Variants in CADPS2 observed in about 807,000 individuals in gnomAD.
CADPS2 encodes the protein calcium-dependent secretion activator 2.
CADPS2 carries 93 observed loss-of-function variants against 172.5 expected under a neutral mutation model. That is an observed-to-expected ratio of 0.54 (90% CI 0.46 to 0.64). The LOEUF (loss-of-function observed/expected upper bound fraction) is 0.64, where lower values mean the gene tolerates loss of function less well. CADPS2 is among the 30% of genes least tolerant of loss of function. The probability of loss-of-function intolerance (pLI) is 0.00; values close to 1 mark genes in which losing one functional copy is unlikely to be tolerated. For synonymous variants in CADPS2, 546 were observed against 555.2 expected (o/e 0.98, Z 0.23); for missense variants, 1,420 against 1,565.9 (o/e 0.91, Z 1.57).
At chr7:122,425,776 A>G (rs2049097871) in intron 17 of CADPS2, among the ~76,000 whole-genome samples, 1 of 152,190 alleles carries the variant, frequency 6.6e-6, no homozygotes, top group South Asian at 2.1e-4. Context: ...ACTGAAAATC[A>G]AATACTGAAT....
At chr7:122,577,831 A>T (rs1457722311) in intron 7 of CADPS2, among the ~76,000 whole-genome samples, 1 of 152,006 alleles carries the variant, frequency 6.6e-6, no homozygotes, top group Non-Finnish European at 1.5e-5. Flanking sequence ...GTTTTTCTGC[A>T]TTTTCGCCAT....
At chr7:122,680,994 T>C (rs896871111) in intron 2 of CADPS2, among the ~76,000 whole-genome samples, 24 of 151,206 alleles carry the variant, frequency 1.6e-4, no homozygotes, top group African/African-American at 3.9e-4. Flanking sequence ...ATGGATGAAA[T>C]TGGAAATCAT....
intron 5 of CADPS2, among the ~76,000 whole-genome samples, chr7:122,617,417 T>G (rs1195041325): frequency 6.6e-6 from 1 of 152,310 alleles, no homozygotes; most frequent in Non-Finnish European, 1.5e-5. Flanking sequence ...TTTAAGTGTT[T>G]CAATTCCCAG....
chr7:122,395,291 T>G (rs146517470), intron 20 of CADPS2, among the ~76,000 whole-genome samples: 2 of 152,196 alleles, frequency 1.3e-5, no homozygotes, highest in African/African-American at 4.8e-5. Context: ...GAAGGAAATA[T>G]AACAGATTTT....
chr7:122,658,907 TTAA>T (rs2080162997), intron 3 of CADPS2, among the ~76,000 whole-genome samples: 1 of 151,636 alleles, frequency 6.6e-6, no homozygotes, highest in South Asian at 2.1e-4. Context: ...ATAAGGAGAT[TTAA>T]TAATATGTAA....
At chr7:122,608,421 A>C (rs1310762291) in intron 6 of CADPS2, among the ~76,000 whole-genome samples, 1 of 152,166 alleles carries the variant, frequency 6.6e-6, no homozygotes, top group African/African-American at 2.4e-5. Context: ...TCTCTCTTAA[A>C]CATTGTCTCA....
At chr7:122,565,515 G>A (rs1183275356) in intron 7 of CADPS2, among the ~76,000 whole-genome samples, 1 of 152,102 alleles carries the variant, frequency 6.6e-6, no homozygotes, top group Non-Finnish European at 1.5e-5. Flanking sequence ...CAGAATTAAT[G>A]TCTTCAAAAT....
chr7:122,772,295 T>C (rs916528509), intron 1 of CADPS2, among the ~76,000 whole-genome samples: 1 of 152,224 alleles, frequency 6.6e-6, no homozygotes, highest in African/African-American at 2.4e-5. Context: ...GAACGGTTCA[T>C]AGTAAAAATG....
At chr7:122,510,117 T>C (rs952075325) in intron 9 of CADPS2, among the ~76,000 whole-genome samples, 3 of 152,116 alleles carry the variant, frequency 2.0e-5, no homozygotes, top group Non-Finnish European at 2.9e-5. Flanking sequence ...TTTACACCAA[T>C]GATATCTTCC....
chr7:122,737,062 T>C lies in CADPS2; in HGVS notation c.346A>G (p.Lys116Glu). The C allele has an allele frequency of 6.3e-7, 1 of 1,577,100 alleles. No individual in the cohort carries two copies. The highest frequency in any genetic ancestry group is 8.7e-7 in the Non-Finnish European group (1 of 1,147,666). The stretch of plus-strand genomic sequence containing the variant: ...TCTTTCAGTAACTGCAACTGTTGTT[T>C]GTTAAGCTACAAGAAAAAGAGAAAA... ...DMARRQQKLN[K>E]QQLQLLKERF... The change falls in exon 2 of 30, where the codon AAA becomes GAA. Residue 116 changes from lysine (K) to glutamate (E), a missense_variant. Transcript: ENST00000449022.
chr7:122,881,337 T>C (rs938090157), intron 1 of CADPS2, among the ~76,000 whole-genome samples: 1 of 152,206 alleles, frequency 6.6e-6, no homozygotes, highest in African/African-American at 2.4e-5. Flanking sequence ...TTAATCTGTC[T>C]GAGTTCTCAT....
intron 6 of CADPS2, among the ~76,000 whole-genome samples, chr7:122,590,542 T>C (rs993084579): frequency 2.6e-5 from 4 of 152,048 alleles, no homozygotes; most frequent in East Asian, 1.9e-4. Context: ...TGTAAGGTTG[T>C]TTCCAGTCTT....
At chr7:122,780,176 A>C (rs989338638) in intron 1 of CADPS2, among the ~76,000 whole-genome samples, 1 of 152,150 alleles carries the variant, frequency 6.6e-6, no homozygotes, top group African/African-American at 2.4e-5. Context: ...ACATAAAAAT[A>C]TAAATATAAT....
intron 28 of CADPS2, among the ~76,000 whole-genome samples, chr7:122,333,277 T>C (rs948199085): frequency 1.3e-5 from 2 of 152,248 alleles, no homozygotes; most frequent in African/African-American, 4.8e-5. Context: ...GGAACTGCTA[T>C]TAAATGGTAC....
Position 122,597,674 on chromosome 7 carries a change from C to T in CADPS2, c.1224-16384G>A, listed in dbSNP as rs531854362. Among the ~76,000 whole-genome samples the T allele has an allele frequency of 1.2e-4, 18 of 152,126 alleles. 1 individual carries two copies. The highest frequency in any genetic ancestry group is 8.3e-4 in the South Asian group (4 of 4,822). ...AAGTAAAATACAAAGTCCATTTGTACGTATTTTAAAATCAAATGCTGCTTA... is the reference window on the plus strand; with the variant it reads ...AAGTAAAATACAAAGTCCATTTGTATGTATTTTAAAATCAAATGCTGCTTA... On this transcript the variant is annotated intron_variant, in intron 6 of 29. Transcript: ENST00000449022.
At chr7:122,385,941 A>T (rs1449066403) in intron 24 of CADPS2, among the ~76,000 whole-genome samples, 2 of 152,066 alleles carry the variant, frequency 1.3e-5, no homozygotes, top group African/African-American at 4.8e-5. Flanking sequence ...AATGTTAATT[A>T]TCACTCTGCT....
chr7:122,570,931 C>T (rs1183322693), intron 7 of CADPS2, among the ~76,000 whole-genome samples: 2 of 151,792 alleles, frequency 1.3e-5, no homozygotes, highest in African/African-American at 2.4e-5. Context: ...ATACCTAATG[C>T]TAAGTGACGA....
At chr7:122,481,366 C>T (rs2057287627) in intron 11 of CADPS2, among the ~76,000 whole-genome samples, 1 of 152,082 alleles carries the variant, frequency 6.6e-6, no homozygotes, top group African/African-American at 2.4e-5. Flanking sequence ...TTAGTTATAA[C>T]AAGTAAATTC....
chr7:122,586,948 A>G (rs1387141864), intron 6 of CADPS2, among the ~76,000 whole-genome samples: 1 of 151,996 alleles, frequency 6.6e-6, no homozygotes, highest in Admixed American at 6.6e-5. Flanking sequence ...TCTATTAAAA[A>G]GATTATTAAA....
Sources: allele counts gnomAD v4.1 joint callset (sites outside exome capture counted in the v4.1 genomes callset), GRCh38; gene constraint gnomAD v4.1.1; transcripts MANE v1.5; gene names NCBI Gene and HGNC (gene_info 2026-07-23, HGNC 2026-07-21).